KCNQ5: variants seen among roughly 807,000 people sequenced by gnomAD.
The protein encoded by KCNQ5 is potassium voltage-gated channel subfamily KQT member 5.
In KCNQ5, 30 loss-of-function variants were observed where a neutral mutation model predicts 98.2. That is an observed-to-expected ratio of 0.31 (90% confidence interval 0.23 to 0.41). The LOEUF is 0.41. Among genes scored for constraint, KCNQ5 ranks in the 10% least tolerant of loss-of-function variants. KCNQ5 has a pLI of 1.00. For missense variants in KCNQ5, 835 were observed against 1,182.5 expected, an observed-to-expected ratio of 0.71 and a Z score of 4.31; for synonymous variants, 458 against 449.4, an observed-to-expected ratio of 1.02 and a Z score of -0.24.
intron 11 of KCNQ5, among the ~76,000 whole-genome samples, chr6:73,180,145 C>A (rs1463996692): frequency 6.6e-6 from 1 of 152,190 alleles, no homozygotes; most frequent in Non-Finnish European, 1.5e-5. Context: ...CTCACAGTCG[C>A]AGCAACCATT....
chr6:73,192,252 A>AGG (rs1765619217), intron 12 of KCNQ5, among the ~76,000 whole-genome samples: 1 of 152,218 alleles, frequency 6.6e-6, no homozygotes, highest in African/African-American at 2.4e-5. Context: ...GATTTTTGTC[A>AGG]TATTTTGAAA....
At chr6:72,917,441 TTTTTTA>T (rs1359988036) in intron 1 of KCNQ5, among the ~76,000 whole-genome samples, 1 of 148,728 alleles carries the variant, frequency 6.7e-6, no homozygotes, top group Admixed American at 6.7e-5. Context: ...CCCCCACCAT[TTTTTTA>T]TTTTTATTTT....
intron 1 of KCNQ5, among the ~76,000 whole-genome samples, chr6:72,663,126 G>A (rs962901289): frequency 2.0e-5 from 3 of 152,046 alleles, no homozygotes; most frequent in South Asian, 2.1e-4. Context: ...ATTACACACC[G>A]GGGACTGTCA....
At position 73,194,679 on chromosome 6, in the gene KCNQ5, G is replaced by C; in HGVS notation, c.2064G>C (p.Leu688=). Residue 688 remains leucine, a synonymous_variant, in exon 14 of 14, where the codon CTG becomes CTC. Transcript: ENST00000370398. ...RSTSANISRG[L]QFILTPNEFS... ...CTAGTGCCAACATCTCGAGAGGCCT[G>C]CAGTTCATTCTGACGCCAAATGAGT... 6.2e-7 allele frequency: 1 copy of C among 1,614,262 alleles called. No homozygotes were observed. The highest frequency in any genetic ancestry group is 8.5e-7 in the Non-Finnish European group (1 of 1,180,054).
chr6:73,154,293 C>A (rs1012952427), intron 10 of KCNQ5, among the ~76,000 whole-genome samples: 1 of 152,056 alleles, frequency 6.6e-6, no homozygotes, highest in Non-Finnish European at 1.5e-5. Flanking sequence ...TCCTAAGATT[C>A]AGAATTGAGT....
Position 72,803,120 on chromosome 6 carries a change from C to T in KCNQ5, c.398+180533C>T, listed in dbSNP as rs996277202. ...GCAACCATGGAGTTCAGTCTCAGAC[C>T]AACCACAATCAATAATTGTCTTAGA... On this transcript the variant is annotated intron_variant, in intron 1 of 13. Transcript: ENST00000370398. Among the ~76,000 whole-genome samples the T allele has an allele frequency of 2.6e-5, 4 of 152,100 alleles. No homozygotes were observed. The East Asian group carries it at 7.7e-4, about 29-fold the overall frequency.
At chr6:73,162,949 C>T (rs930137170) in intron 10 of KCNQ5, among the ~76,000 whole-genome samples, 10 of 152,184 alleles carry the variant, frequency 6.6e-5, no homozygotes, top group Non-Finnish European at 1.2e-4. Flanking sequence ...TGAGCATGCT[C>T]TGCTCTGAGA....
At chr6:73,020,356 TTTACCAGC>T (rs1206790087) in intron 2 of KCNQ5, among the ~76,000 whole-genome samples, 1 of 152,174 alleles carries the variant, frequency 6.6e-6, no homozygotes, top group African/African-American at 2.4e-5. Context: ...ACTTATTTCA[TTTACCAGC>T]TTATTATAAA....
chr6:72,738,362 CA>C lies in KCNQ5; in HGVS notation c.398+115776del, dbSNP rs1407165052. 2.0e-5 allele frequency among the ~76,000 whole-genome samples: 3 copies of C among 151,926 alleles called. No individual in the cohort carries two copies. The East Asian group carries it at 5.8e-4, about 29-fold the overall frequency. The stretch of plus-strand genomic sequence containing the variant: ...TTCCCAGAGACTTCATTATAGAATC[CA>C]GATATTCTGGTGTGTAAAAAAAAAT... On this transcript the variant is annotated intron_variant, in intron 1 of 13. Coordinates refer to ENST00000370398, the MANE Select transcript of KCNQ5 (RefSeq NM_019842.4).
At chr6:72,638,617 C>A (rs6900103) in intron 1 of KCNQ5, among the ~76,000 whole-genome samples, 110,233 of 151,762 alleles carry the variant, frequency 0.73, 40,571 homozygotes, top group Middle Eastern at 0.87. Flanking sequence ...TTCTCCAAAA[C>A]AGGTTAAAGG....
At chr6:72,997,268 GGAGTCCAC>G in intron 1 of KCNQ5, among the ~76,000 whole-genome samples, 1 of 152,030 alleles carries the variant, frequency 6.6e-6, no homozygotes, top group East Asian at 1.9e-4. Context: ...CTGTCTACGC[GGAGTCCAC>G]TGACTGCTCT....
At chr6:72,650,280 G>A (rs1173248093) in intron 1 of KCNQ5, among the ~76,000 whole-genome samples, 1 of 152,028 alleles carries the variant, frequency 6.6e-6, no homozygotes, top group East Asian at 1.9e-4. Context: ...TCATAGACAT[G>A]CATTTTGAAG....
At chr6:73,151,744 A>G (rs112289430) in intron 10 of KCNQ5, among the ~76,000 whole-genome samples, 20 of 152,348 alleles carry the variant, frequency 1.3e-4, no homozygotes, top group African/African-American at 4.6e-4. Context: ...CCTACTGCAC[A>G]GCCATTATCT....
chr6:72,782,243 CCT>C (rs141220546), intron 1 of KCNQ5, among the ~76,000 whole-genome samples: 242 of 146,982 alleles, frequency 1.6e-3, no homozygotes, highest in African/African-American at 3.6e-3. Flanking sequence ...TCTTATGCAC[CCT>C]CTCTCTCTCT....
intron 10 of KCNQ5, among the ~76,000 whole-genome samples, chr6:73,151,673 C>A (rs1369322085): frequency 5.3e-5 from 8 of 152,158 alleles, no homozygotes; most frequent in Admixed American, 5.2e-4. Context: ...TGTGACTTTT[C>A]TTTGAGAACA....
chr6:73,182,632 G>A (rs950659449), intron 11 of KCNQ5, among the ~76,000 whole-genome samples: 1 of 152,086 alleles, frequency 6.6e-6, no homozygotes, highest in East Asian at 1.9e-4. Flanking sequence ...TACCTACTTT[G>A]GGACATTTTC....
chr6:73,040,191 T>C (rs577352082), intron 2 of KCNQ5, among the ~76,000 whole-genome samples: 239 of 152,316 alleles, frequency 1.6e-3, no homozygotes, highest in Non-Finnish European at 2.2e-3. Flanking sequence ...AATGGACATA[T>C]TGGTGTCATC....
intron 1 of KCNQ5, among the ~76,000 whole-genome samples, chr6:72,773,567 G>A (rs911372663): frequency 2.0e-5 from 3 of 152,086 alleles, no homozygotes; most frequent in South Asian, 4.2e-4. Flanking sequence ...AAACCTACAC[G>A]TTCTGCACAT....
At chr6:72,913,109 A>G (rs532393055) in intron 1 of KCNQ5, among the ~76,000 whole-genome samples, 68 of 152,316 alleles carry the variant, frequency 4.5e-4, no homozygotes, top group African/African-American at 1.6e-3. Context: ...TGATATATAC[A>G]TTAAGCCTAA....
Sources: gnomAD v4.1 joint callset for allele counts (sites outside exome capture counted in the v4.1 genomes callset) on GRCh38, gnomAD v4.1.1 for gene constraint, MANE v1.5 for transcripts, NCBI Gene and HGNC (gene_info 2026-07-23, HGNC 2026-07-21) for gene names.